SRGAP2: variants seen among roughly 807,000 people sequenced by gnomAD.
SRGAP2 encodes the protein SLIT-ROBO Rho GTPase-activating protein 2.
Under a neutral mutation model 57.2 loss-of-function variants are expected in SRGAP2, and 15 were observed. The ratio of observed to expected loss-of-function variants is 0.26; its 90% CI spans 0.18 to 0.40. The LOEUF is 0.40. SRGAP2 is among the 10% of genes least tolerant of loss of function. The pLI is 1.00. For synonymous variants in SRGAP2, 249 were observed against 248.0 expected (o/e 1.00, Z -0.04); for missense variants, 520 against 669.6 (o/e 0.78, Z 2.47).
intron 2 of SRGAP2, among the ~76,000 whole-genome samples, chr1:206,210,710 C>G (rs1380110576): frequency 3.4e-5 from 5 of 148,604 alleles, no homozygotes; most frequent in African/African-American, 1.3e-4. Flanking sequence ...TCCAAAGCTT[C>G]TTTCCTCACA....
At chr1:206,449,354 C>T (rs1480749932) in intron 18 of SRGAP2, among the ~76,000 whole-genome samples, 2 of 146,598 alleles carry the variant, frequency 1.4e-5, no homozygotes, top group African/African-American at 5.1e-5. Flanking sequence ...TGCAGTGGCA[C>T]GATCATGGCT....
intron 13 of SRGAP2, among the ~76,000 whole-genome samples, chr1:206,422,688 C>T (rs1441684221): frequency 2.0e-5 from 3 of 152,190 alleles, no homozygotes; most frequent in Non-Finnish European, 4.4e-5. Context: ...TGCAGGAGTG[C>T]CAGAGACATC....
intron 2 of SRGAP2, among the ~76,000 whole-genome samples, chr1:206,227,405 A>G (rs1553305778): frequency 6.6e-6 from 1 of 152,152 alleles, no homozygotes; most frequent in African/African-American, 2.4e-5. Flanking sequence ...TCTCAACTGT[A>G]GACCTTCATA....
intron 4 of SRGAP2, among the ~76,000 whole-genome samples, chr1:206,374,195 T>A (rs1476167883): frequency 1.4e-4 from 21 of 151,100 alleles, no homozygotes; most frequent in African/African-American, 5.2e-4. Context: ...CGGCTAACTT[T>A]TTTTTTGTAT....
intron 2 of SRGAP2, among the ~76,000 whole-genome samples, chr1:206,268,025 T>C (rs1669966417): frequency 6.7e-6 from 1 of 148,436 alleles, no homozygotes; most frequent in African/African-American, 2.5e-5. Context: ...CATGCAAATA[T>C]GATTTGGGAA....
intron 14 of SRGAP2, among the ~76,000 whole-genome samples, chr1:206,433,016 A>G (rs1413981366): frequency 1.3e-5 from 2 of 152,246 alleles, no homozygotes; most frequent in Non-Finnish European, 2.9e-5. Context: ...TCCTGAATGC[A>G]TATCATTTTG....
At chr1:206,385,981 G>GA (rs781807285) in intron 5 of SRGAP2, among the ~76,000 whole-genome samples, 10 of 151,944 alleles carry the variant, frequency 6.6e-5, no homozygotes, top group South Asian at 6.2e-4. Flanking sequence ...TGGAAAGAGG[G>GA]AAAAAAAAGA....
At chr1:206,374,163 T>C (rs1448385519) in intron 4 of SRGAP2, among the ~76,000 whole-genome samples, 2 of 150,320 alleles carry the variant, frequency 1.3e-5, no homozygotes, top group African/African-American at 4.9e-5. Context: ...TAGCTGGGAC[T>C]ACAGGCGCCC....
chr1:206,422,521 A>G (rs1174643115), intron 13 of SRGAP2, among the ~76,000 whole-genome samples: 1 of 152,232 alleles, frequency 6.6e-6, no homozygotes, highest in Non-Finnish European at 1.5e-5. Flanking sequence ...TTTAAAATTA[A>G]TAGGTGCATA....
At chr1:206,206,141 T>TG (rs1212723055) in intron 2 of SRGAP2, 104 bp downstream of exon 2, 12 of 630,936 alleles carry the variant, frequency 1.9e-5, no homozygotes, top group Non-Finnish European at 3.1e-5. Flanking sequence ...GTGGAGCAGA[T>TG]GGGGGCAGGC....
chr1:206,449,153 T>C (rs946792696), intron 18 of SRGAP2, among the ~76,000 whole-genome samples: 6 of 152,206 alleles, frequency 3.9e-5, no homozygotes, highest in Non-Finnish European at 8.8e-5. Context: ...GAACAGTTTC[T>C]CTACTTTTCA....
intron 17 of SRGAP2, among the ~76,000 whole-genome samples, chr1:206,444,950 G>C (rs1437152826): frequency 6.6e-6 from 1 of 152,200 alleles, no homozygotes; most frequent in Non-Finnish European, 1.5e-5. Flanking sequence ...TACATCTCCA[G>C]GAGGGGAGAG....
At chr1:206,327,055 G>A (rs543144473) in intron 3 of SRGAP2, among the ~76,000 whole-genome samples, 1 of 152,034 alleles carries the variant, frequency 6.6e-6, no homozygotes, top group Non-Finnish European at 1.5e-5. Flanking sequence ...GGCCGGGTGC[G>A]GTGGTTCACA....
chr1:206,411,939 C>T lies in SRGAP2; in HGVS notation c.1357-3950C>T, dbSNP rs902221331. Among the ~76,000 whole-genome samples the T allele has an allele frequency of 4.6e-5, 7 of 152,128 alleles. No individual in the cohort carries two copies. In the South Asian group the frequency reaches 1.4e-3, roughly 32 times the overall value. On this transcript the variant is annotated intron_variant, in intron 10 of 22. Coordinates refer to ENST00000573034, the MANE Select transcript of SRGAP2 (RefSeq NM_015326.5). ...AGGAACACCTTTCTGAGTGCCTGCT[C>T]TATGCCAGGCCCTGTGCTATTAACA...
intron 16 of SRGAP2, 106 bp downstream of exon 16, chr1:206,438,204 G>T: frequency 1.6e-6 from 1 of 637,572 alleles, no homozygotes; most frequent in Non-Finnish European, 2.9e-6. Flanking sequence ...TTTCAATGAA[G>T]TTTTTCTTTT....
chr1:206,370,214 A>G (rs1293055559), intron 4 of SRGAP2, among the ~76,000 whole-genome samples: 2 of 152,104 alleles, frequency 1.3e-5, no homozygotes, highest in Non-Finnish European at 2.9e-5. Context: ...TGCAGTGAGC[A>G]GAGATCGCAC....
At chr1:206,277,825 A>T (rs1256288589) in intron 2 of SRGAP2, among the ~76,000 whole-genome samples, 6 of 152,134 alleles carry the variant, frequency 3.9e-5, no homozygotes, top group South Asian at 4.1e-4. Context: ...AAAAAAATTT[A>T]AAAAATTAGC....
At chr1:206,203,832 A>T (rs1382670652) in intron 1 of SRGAP2, 182 bp downstream of exon 1, 2 of 1,521,438 alleles carry the variant, frequency 1.3e-6, no homozygotes, top group Non-Finnish European at 1.8e-6. Context: ...CTCCCAGTAC[A>T]GCCCATAATA....
chr1:206,355,739 G>A (rs1553339175), intron 4 of SRGAP2, among the ~76,000 whole-genome samples: 3 of 152,164 alleles, frequency 2.0e-5, no homozygotes, highest in African/African-American at 7.2e-5. Context: ...GGCGGAGGCA[G>A]GTGGATCACC....
Sources: allele counts gnomAD v4.1 joint callset (sites outside exome capture counted in the v4.1 genomes callset), GRCh38; gene constraint gnomAD v4.1.1; transcripts MANE v1.5; gene names NCBI Gene and HGNC (gene_info 2026-07-23, HGNC 2026-07-21).